IGF2R: variants seen among roughly 807,000 people sequenced by gnomAD.
IGF2R encodes the protein insulin like growth factor 2 receptor.
A neutral mutation model predicts 270.6 loss-of-function variants in IGF2R; 91 were observed. That is an observed-to-expected ratio of 0.34 (90% CI 0.28 to 0.40). IGF2R has a LOEUF of 0.40. IGF2R is among the 10% of genes least tolerant of loss of function. The probability of loss-of-function intolerance (pLI) is 1.00; values close to 1 mark genes in which losing one functional copy is unlikely to be tolerated. For synonymous variants in IGF2R, 1,316 were observed against 1,258.9 expected (o/e 1.05, Z -0.96); for missense variants, 2,805 against 3,188.3 (o/e 0.88, Z 2.90).
At chr6:160,040,075 T>A (rs1239322802) in intron 10 of IGF2R, among the ~76,000 whole-genome samples, 2 of 152,184 alleles carry the variant, frequency 1.3e-5, no homozygotes, top group Non-Finnish European at 2.9e-5. Flanking sequence ...CACTCTTGTT[T>A]TACTTTAGGG....
In IGF2R at chr6:160,062,560, G is replaced by C; in HGVS notation, c.3611G>C (p.Gly1204Ala). Residue 1204 changes from glycine to alanine, a missense_variant, in exon 26 of 48, where the codon GGT becomes GCT. Gly to Ala is a moderately conservative substitution (Grantham distance 60). Coordinates refer to ENST00000356956, the MANE Select transcript of IGF2R (RefSeq NM_000876.4). ...TCACCAGCATTTCAGCTTCAGGATG[G>C]TTGTGAGTACGTGTTTATCTGGAGA... ...SGSPAFQLQDGCEYVFIWRTV... is the reference protein window; with the variant it reads ...SGSPAFQLQDACEYVFIWRTV... 1.1e-5 allele frequency: 18 copies of C among 1,613,956 alleles called. No individual in the cohort carries two copies. Among genetic ancestry groups the C allele is most frequent in the Non-Finnish European group, 1.4e-5 (17 of 1,179,828 alleles).
chr6:160,084,331 G>A lies in IGF2R; in HGVS notation c.6068+147G>A. On this transcript the variant is annotated intron_variant, in intron 40 of 47. Transcript: ENST00000356956. This position sits in a 1 kb window ranked among gnomAD's most constrained non-coding sequence, Gnocchi z 4.6. ...TGGTGGTTGAGTTGTGACTGTTCCT[G>A]GAAGCAGCCCGCAGTGTCAATCCTG... 1 of 622,440 alleles carries A rather than the reference G, an allele frequency of 1.6e-6. No individual in the cohort carries two copies. Among genetic ancestry groups the A allele is most frequent in the African/African-American group, 1.8e-5 (1 of 54,598 alleles). 38.6% of individuals were successfully genotyped at this position (622,440 alleles called of 1,614,324 possible).
At chr6:160,028,052 G>A (rs1310870778) in intron 6 of IGF2R, among the ~76,000 whole-genome samples, 6 of 152,188 alleles carry the variant, frequency 3.9e-5, no homozygotes, top group Non-Finnish European at 8.8e-5. Context: ...TTTTCTATGT[G>A]TGTGTCTGTA....
rs957560216 is a variant in IGF2R, at chr6:159,998,843, C to G, written c.289+7520C>G. Among the ~76,000 whole-genome samples the G allele has an allele frequency of 6.6e-6, 1 of 152,114 alleles. No homozygotes were observed. The highest frequency in any genetic ancestry group is 1.5e-5 in the Non-Finnish European group (1 of 68,018). On this transcript the variant is annotated intron_variant, in intron 2 of 47. Coordinates refer to ENST00000356956, the MANE Select transcript of IGF2R (RefSeq NM_000876.4). This position sits in a 1 kb window ranked among gnomAD's most constrained non-coding sequence, Gnocchi z 4.1. ...TAATTTGCATATACAATAAAAATAC[C>G]TAAATTTTGTTGCACATTCATGTGC...
Position 160,052,066 on chromosome 6 carries a change from G to A in IGF2R, c.2694+1414G>A, listed in dbSNP as rs576013574. Reference sequence around the variant, plus strand: ...CTCTACAAAAAATTAGCCAAGTGTGGTGATGTGCACCTGTAGTCCTGGCTA... The same window carrying A: ...CTCTACAAAAAATTAGCCAAGTGTGATGATGTGCACCTGTAGTCCTGGCTA... On this transcript the variant is annotated intron_variant, in intron 19 of 47. Transcript: ENST00000356956. Among the ~76,000 whole-genome samples the A allele has an allele frequency of 2.6e-5, 4 of 152,102 alleles. 1 individual carries two copies. The South Asian group carries it at 6.2e-4, about 24-fold the overall frequency.
At position 160,029,723 on chromosome 6, in the gene IGF2R, TCTGGGCTTGGGG is replaced by T; in HGVS notation, c.882+70_882+81del. The T allele has an allele frequency of 2.6e-6, 3 of 1,142,008 alleles. No homozygotes were observed. The South Asian group carries it at 3.8e-5, about 15-fold the overall frequency. 70.7% of individuals were successfully genotyped at this position (1,142,008 alleles called of 1,614,324 possible). ...CCTGGGTTGCCCATGCGAACGCGTT[TCTGGGCTTGGGG>T]CAGGGTGGGCCTGGATGCAGGAAGC... On this transcript the variant is annotated intron_variant, in intron 7 of 47. Coordinates refer to ENST00000356956, the MANE Select transcript of IGF2R (RefSeq NM_000876.4).
chr6:160,027,192 A>G lies in IGF2R; in HGVS notation c.654A>G (p.Leu218=). 1 of 1,614,206 alleles carries G rather than the reference A, an allele frequency of 6.2e-7. No individual in the cohort carries two copies. The highest frequency in any genetic ancestry group is 8.5e-7 in the Non-Finnish European group (1 of 1,180,026). ...FINVCRDIDT[L]RDPGSQLRAC... ...GTAATACATGATTTTCAGACACACT[A>G]CGAGACCCAGGTTCACAGCTGCGGG... Residue 218 remains leucine, a synonymous_variant, in exon 6 of 48, where the codon CTA becomes CTG. Transcript: ENST00000356956.
chr6:160,054,579 C>G (rs1353659931), intron 19 of IGF2R, among the ~76,000 whole-genome samples: 1 of 152,106 alleles, frequency 6.6e-6, no homozygotes, highest in Non-Finnish European at 1.5e-5. Context: ...GGGAAGAAAG[C>G]CTAGTGGTTA....
At chr6:160,073,727 A>G (rs1433878023) in intron 34 of IGF2R, 30 bp from the exon 35 acceptor site, 1 of 1,577,862 alleles carries the variant, frequency 6.3e-7, no homozygotes, top group South Asian at 1.1e-5. Context: ...ATTTTTTTGT[A>G]GACTCAAAGC....
intron 1 of IGF2R, among the ~76,000 whole-genome samples, chr6:159,977,450 C>G (rs115839692): frequency 1.3e-5 from 2 of 151,902 alleles, no homozygotes; most frequent in African/African-American, 4.8e-5. Context: ...CTGTTCTTGG[C>G]GCTTTAGGTC....
chr6:160,029,471 C>A, intron 6 of IGF2R, 79 bp from the exon 7 acceptor site: 1 of 839,584 alleles, frequency 1.2e-6, no homozygotes, highest in Non-Finnish European at 2.0e-6. Flanking sequence ...AGTGAATGTG[C>A]TGAATGCTCA....
chr6:160,077,418 C>A (rs771552195), intron 36 of IGF2R, among the ~76,000 whole-genome samples: 2 of 152,172 alleles, frequency 1.3e-5, no homozygotes, highest in Non-Finnish European at 2.9e-5. Context: ...GTTATCTACA[C>A]CACCAGCTAA....
At chr6:160,027,114 C>T (rs1777577615) in intron 5 of IGF2R, 71 bp from the exon 6 acceptor site, 2 of 1,549,520 alleles carry the variant, frequency 1.3e-6, no homozygotes, top group African/African-American at 1.4e-5. Flanking sequence ...TAAAGGGACC[C>T]TGGGTCTAAG....
Position 159,969,312 on chromosome 6 carries a change from T to C in IGF2R, c.66T>C (p.Ser22=). 1.6e-6 allele frequency: 2 copies of C among 1,284,488 alleles called. No individual in the cohort carries two copies. The highest frequency in any genetic ancestry group is 2.0e-6 in the Non-Finnish European group (2 of 1,012,394). The allele number at this position is 1,284,488 out of a possible 1,614,324, so 79.6% of individuals were successfully genotyped here. The part of the protein sequence containing the change: ...GPAPARRPQR[S]LLLLQLLLLV... Reference sequence around the variant, plus strand: ...CGCCCGCCCGCCGCCCGCAGCGCTCTCTGCTCCTGCTGCAGCTGCTGCTGC... The same window carrying C: ...CGCCCGCCCGCCGCCCGCAGCGCTCCCTGCTCCTGCTGCAGCTGCTGCTGC... Residue 22 remains serine (S), a synonymous_variant, in exon 1 of 48, where the codon TCT becomes TCC. Coordinates refer to ENST00000356956, the MANE Select transcript of IGF2R (RefSeq NM_000876.4).
chr6:159,996,535 G>A (rs1463319345), intron 2 of IGF2R, among the ~76,000 whole-genome samples: 7 of 152,200 alleles, frequency 4.6e-5, no homozygotes, highest in Non-Finnish European at 1.0e-4. Flanking sequence ...GGGGTAGCAG[G>A]GGTAGCTGTG....
intron 2 of IGF2R, among the ~76,000 whole-genome samples, chr6:160,008,251 A>C (rs1042373185): frequency 1.3e-5 from 2 of 152,106 alleles, no homozygotes; most frequent in Non-Finnish European, 2.9e-5. Flanking sequence ...TTCCATATGG[A>C]AAACTATTTT....
chr6:160,026,775 A>T (rs530680818), intron 5 of IGF2R, among the ~76,000 whole-genome samples: 1 of 152,328 alleles, frequency 6.6e-6, no homozygotes, highest in East Asian at 1.9e-4. Context: ...TCGACATAGT[A>T]AGTGGTCGAT....
At chr6:160,043,410 G>A (rs143968306) in intron 12 of IGF2R, 122 bp downstream of exon 12, 2 of 1,174,292 alleles carry the variant, frequency 1.7e-6, no homozygotes, top group African/African-American at 1.5e-5. Flanking sequence ...CATGAAGGAT[G>A]GTAAAAATTT....
chr6:160,022,149 A>G (rs1777452904), intron 4 of IGF2R, among the ~76,000 whole-genome samples: 1 of 152,222 alleles, frequency 6.6e-6, no homozygotes, highest in Non-Finnish European at 1.5e-5. Context: ...ACTTAGTCAG[A>G]CACCACATAT....
Sources: allele counts gnomAD v4.1 joint callset (sites outside exome capture counted in the v4.1 genomes callset), GRCh38; gene constraint gnomAD v4.1.1; non-coding constraint Gnocchi (gnomAD v3.1); transcripts MANE v1.5; gene names NCBI Gene and HGNC (gene_info 2026-07-23, HGNC 2026-07-21).